ZNF106: variants seen among roughly 807,000 people sequenced by gnomAD.
ZNF106 encodes the protein zinc finger protein 106.
ZNF106 carries 67 observed loss-of-function variants against 195.1 expected under a neutral mutation model. That is an observed-to-expected ratio of 0.34 (90% confidence interval 0.28 to 0.42). The LOEUF (loss-of-function observed/expected upper bound fraction) is 0.42. ZNF106 is among the 10% of genes least tolerant of loss of function. ZNF106 has a pLI of 1.00. For missense variants in ZNF106, 2,118 were observed against 2,304.5 expected, an observed-to-expected ratio of 0.92 and a Z score of 1.66; for synonymous variants, 784 against 818.6, an observed-to-expected ratio of 0.96 and a Z score of 0.72.
chr15:42,460,472 C>T (rs1285232308), intron 3 of ZNF106, among the ~76,000 whole-genome samples: 3 of 152,210 alleles, frequency 2.0e-5, no homozygotes, highest in Non-Finnish European at 4.4e-5. Flanking sequence ...AACCATTTTG[C>T]AATCCTAGTG....
chr15:42,489,830 G>A (rs2057102337), intron 1 of ZNF106, among the ~76,000 whole-genome samples: 2 of 151,850 alleles, frequency 1.3e-5, no homozygotes, highest in African/African-American at 4.8e-5. Context: ...AAGGTCAGGA[G>A]TTGGAGACTA....
intron 2 of ZNF106, among the ~76,000 whole-genome samples, chr15:42,466,595 A>G (rs937423153): frequency 2.0e-5 from 3 of 152,238 alleles, no homozygotes; most frequent in Non-Finnish European, 4.4e-5. Flanking sequence ...TGTTGAATGA[A>G]TATAGATGGA....
intron 14 of ZNF106, among the ~76,000 whole-genome samples, chr15:42,432,383 T>C (rs115966566): frequency 0.013 from 2,054 of 152,172 alleles, 55 homozygotes; most frequent in African/African-American, 0.048. Context: ...GGTCTGGAAC[T>C]TACAGTCTCA....
chr15:42,466,011 C>T, intron 3 of ZNF106, 42 bp downstream of exon 3: 9 of 1,481,338 alleles, frequency 6.1e-6, no homozygotes, highest in Non-Finnish European at 8.1e-6. Flanking sequence ...CACTCAGATC[C>T]ACCCACATTC....
rs2054488068 is a variant in ZNF106, at chr15:42,417,234, G to T, written c.*70C>A. 1.3e-6 allele frequency: 2 copies of T among 1,528,316 alleles called. No individual in the cohort carries two copies. Among genetic ancestry groups the T allele is most frequent in the Admixed American group, 3.4e-5 (2 of 59,142 alleles). 94.7% of individuals were successfully genotyped at this position (1,528,316 alleles called of 1,614,324 possible). On this transcript the variant is annotated 3_prime_UTR_variant, in exon 22 of 22. Transcript: ENST00000564754. Reference sequence around the variant, plus strand: ...TTACTTCACCAAGAAAGGGAAGAGAGTGGCCTGTGTGGGGGGCCAATGTGA... The same window carrying T: ...TTACTTCACCAAGAAAGGGAAGAGATTGGCCTGTGTGGGGGGCCAATGTGA...
chr15:42,476,553 G>C (rs553013872), intron 1 of ZNF106, among the ~76,000 whole-genome samples: 10 of 152,198 alleles, frequency 6.6e-5, no homozygotes, highest in Admixed American at 5.9e-4. Flanking sequence ...CACCAGCCTC[G>C]GCCTCCCAAA....
chr15:42,425,187 C>A (rs1646898169), intron 15 of ZNF106, among the ~76,000 whole-genome samples, 162 bp from the exon 16 acceptor site: 2 of 152,186 alleles, frequency 1.3e-5, no homozygotes, highest in African/African-American at 4.8e-5. Context: ...CCCACTCCAA[C>A]CCTTTTTACT....
intron 10 of ZNF106, among the ~76,000 whole-genome samples, chr15:42,440,994 A>ATATAT (rs2055485757): frequency 1.8e-5 from 1 of 54,512 alleles, no homozygotes; most frequent in African/African-American, 1.3e-4. Flanking sequence ...AAAAAAAAAA[A>ATATAT]AAAAATATAT....
chr15:42,457,602 T>C (rs1179855008), intron 3 of ZNF106: 1 of 953,992 alleles, frequency 1.0e-6, no homozygotes, highest in Non-Finnish European at 1.3e-6. Flanking sequence ...AGTTAAGGGG[T>C]GGAAACAAGA....
At chr15:42,485,008 A>T (rs2056980361) in intron 1 of ZNF106, among the ~76,000 whole-genome samples, 1 of 151,876 alleles carries the variant, frequency 6.6e-6, no homozygotes, top group Non-Finnish European at 1.5e-5. Context: ...AAAAAAAATT[A>T]GCTGGGCTTG....
intron 1 of ZNF106, among the ~76,000 whole-genome samples, chr15:42,476,789 G>A (rs2056793834): frequency 6.6e-6 from 1 of 152,228 alleles, no homozygotes; most frequent in African/African-American, 2.4e-5. Flanking sequence ...CTGTGTATAA[G>A]TGGACCTGCG....
At chr15:42,483,408 G>A (rs779344186) in intron 1 of ZNF106, among the ~76,000 whole-genome samples, 1 of 152,132 alleles carries the variant, frequency 6.6e-6, no homozygotes, top group Non-Finnish European at 1.5e-5. Flanking sequence ...TGGAGTAGGA[G>A]GCCCTAGGTT....
In ZNF106 at chr15:42,416,438, T is replaced by C. The variant is rs1186345140; in HGVS notation, c.*866A>G. 1 of 152,046 alleles carries C rather than the reference T, an allele frequency of 6.6e-6. No homozygotes were observed. Among genetic ancestry groups the C allele is most frequent in the Non-Finnish European group, 1.5e-5 (1 of 68,082 alleles). The allele number at this position is 152,046 out of a possible 1,614,324, so 9.4% of individuals were successfully genotyped here. On this transcript the variant is annotated 3_prime_UTR_variant, in exon 22 of 22. Transcript: ENST00000564754. ...CTGGCAACTGAACAAACCAAAAGGG[T>C]TCAAACCAACATTAGGCTTGCAGGG...
At chr15:42,432,824 G>A (rs2055104398) in intron 14 of ZNF106, among the ~76,000 whole-genome samples, 1 of 152,024 alleles carries the variant, frequency 6.6e-6, no homozygotes, top group Non-Finnish European at 1.5e-5. Flanking sequence ...GTTCGAGGCT[G>A]CAATGAGTTA....
rs775775566 is a variant in ZNF106, at chr15:42,450,787, G to C, written c.1485C>G (p.Ile495Met). The change falls in exon 5 of 22, where the codon ATC (isoleucine) becomes ATG (methionine). Residue 495 changes from isoleucine (I) to methionine (M), a missense_variant. Coordinates refer to ENST00000564754, the MANE Select transcript of ZNF106 (RefSeq NM_001366845.3). ...SLSQKQDPKNISKNTKTNFFS... is the reference protein window; with the variant it reads ...SLSQKQDPKNMSKNTKTNFFS... ...AAAAATTTGTTTTGGTGTTTTTTGA[G>C]ATATTCTTTGGATCTTGCTTTTGAG... is the stretch of plus-strand genomic sequence containing the variant. 1.2e-6 allele frequency: 2 copies of C among 1,614,188 alleles called. No individual in the cohort carries two copies. The highest frequency in any genetic ancestry group is 1.7e-6 in the Non-Finnish European group (2 of 1,180,032).
intron 1 of ZNF106, among the ~76,000 whole-genome samples, chr15:42,484,966 C>G (rs945750586): frequency 9.2e-5 from 14 of 152,124 alleles, no homozygotes; most frequent in Non-Finnish European, 1.6e-4. Flanking sequence ...CAAGACCAGT[C>G]TGGCCAACAT....
chr15:42,455,546 C>T (rs1235630231), intron 4 of ZNF106, among the ~76,000 whole-genome samples: 1 of 151,968 alleles, frequency 6.6e-6, no homozygotes, highest in Non-Finnish European at 1.5e-5. Flanking sequence ...GTTCAAAAAA[C>T]TTTTTTTTAA....
At position 42,444,931 on chromosome 15, in the gene ZNF106, G is replaced by C. The variant is rs1249992148; in HGVS notation, c.3256C>G (p.Leu1086Val). 6.2e-7 allele frequency: 1 copy of C among 1,614,172 alleles called. No individual in the cohort carries two copies. The highest frequency in any genetic ancestry group is 1.1e-5 in the South Asian group (1 of 91,084). The change falls in exon 8 of 22, where the codon CTT becomes GTT. Residue 1086 changes from leucine (L) to valine (V), a missense_variant. Leu to Val is a conservative substitution (Grantham distance 32, BLOSUM62 1). Coordinates refer to ENST00000564754, the MANE Select transcript of ZNF106 (RefSeq NM_001366845.3). ...TCCATGCACTGCAATGACTTACTAA[G>C]TTCTTCCTCCCTTAAAGAAATATTC... ...LLNISLREEE[L>V]SKSLQCMDNN...
intron 1 of ZNF106, among the ~76,000 whole-genome samples, chr15:42,485,021 T>C (rs2056980615): frequency 6.6e-6 from 1 of 151,722 alleles, no homozygotes; most frequent in Non-Finnish European, 1.5e-5. Context: ...TGGGCTTGCA[T>C]GCCTGTAATC....
Sources: gnomAD v4.1 joint callset for allele counts (sites outside exome capture counted in the v4.1 genomes callset) on GRCh38, gnomAD v4.1.1 for gene constraint, MANE v1.5 for transcripts, NCBI Gene and HGNC (gene_info 2026-07-23, HGNC 2026-07-21) for gene names.